MSRA: variants seen among roughly 807,000 people sequenced by gnomAD.
MSRA encodes mitochondrial peptide methionine sulfoxide reductase.
In MSRA, 54 loss-of-function variants were observed where a neutral mutation model predicts 31.3. The ratio of observed to expected loss-of-function variants is 1.73; its 90% CI spans 1.39 to 2.17. The LOEUF is 2.17. MSRA is among the 30% of genes most tolerant of loss of function. The probability of loss-of-function intolerance (pLI) is 0.00; values close to 1 mark genes in which losing one functional copy is unlikely to be tolerated. For missense variants in MSRA, 507 were observed against 300.9 expected (o/e 1.69, Z -5.07); for synonymous variants, 169 against 116.5 (o/e 1.45, Z -2.90).
chr8:10,251,873 G>T (rs1462396050), intron 3 of MSRA, among the ~76,000 whole-genome samples: 1 of 150,952 alleles, frequency 6.6e-6, no homozygotes. Context: ...GGGGGGGGGG[G>T]ACATAGGTCA....
At chr8:10,100,486 C>T (rs1799460499) in intron 1 of MSRA, among the ~76,000 whole-genome samples, 2 of 151,870 alleles carry the variant, frequency 1.3e-5, no homozygotes, top group East Asian at 1.9e-4. Flanking sequence ...GGTCTGTGGC[C>T]AGGGAGGGCA....
intron 2 of MSRA, among the ~76,000 whole-genome samples, chr8:10,217,349 A>C (rs1810083071): frequency 6.6e-6 from 1 of 152,140 alleles, no homozygotes; most frequent in South Asian, 2.1e-4. Context: ...CCCTCTCCCC[A>C]CAAGGGACTA....
chr8:10,251,122 G>A (rs1006197488), intron 3 of MSRA, among the ~76,000 whole-genome samples: 1 of 152,032 alleles, frequency 6.6e-6, no homozygotes, highest in Admixed American at 6.6e-5. Context: ...TTTTCCAAAT[G>A]CGTGTGATTT....
chr8:10,359,704 T>C (rs748816353), intron 5 of MSRA, among the ~76,000 whole-genome samples: 1 of 152,208 alleles, frequency 6.6e-6, no homozygotes, highest in Non-Finnish European at 1.5e-5. Flanking sequence ...AAGAGGAGGA[T>C]GGTCTCAGAT....
rs555185450 is a variant in MSRA, at chr8:10,257,049, G to C, written c.331+11826G>C. 2.6e-5 allele frequency among the ~76,000 whole-genome samples: 4 copies of C among 152,266 alleles called. No individual in the cohort carries two copies. The East Asian group carries it at 5.8e-4, about 22-fold the overall frequency. On this transcript the variant is annotated intron_variant, in intron 3 of 5. Transcript: ENST00000317173. ...GTACCCAGCATTTTAGTTATATCAG[G>C]CAGGAAGATTGCTTCAGATGTTGAT... is the stretch of plus-strand genomic sequence containing the variant.
intron 1 of MSRA, among the ~76,000 whole-genome samples, chr8:10,059,250 GATA>G (rs1802567529): frequency 6.6e-6 from 1 of 152,170 alleles, no homozygotes; most frequent in Non-Finnish European, 1.5e-5. Flanking sequence ...GATATATGAT[GATA>G]ATAGCTCACA....
intron 1 of MSRA, among the ~76,000 whole-genome samples, chr8:10,057,806 G>A (rs1426382839): frequency 6.6e-6 from 1 of 152,120 alleles, no homozygotes; most frequent in Non-Finnish European, 1.5e-5. Flanking sequence ...AGGCCTCCCT[G>A]GCCATGCTTT....
intron 3 of MSRA, among the ~76,000 whole-genome samples, chr8:10,273,393 T>G (rs1799146515): frequency 6.6e-6 from 1 of 152,190 alleles, no homozygotes; most frequent in Non-Finnish European, 1.5e-5. Context: ...CCCCTAGTAG[T>G]TGTGCAACTA....
intron 3 of MSRA, among the ~76,000 whole-genome samples, chr8:10,261,687 C>T (rs1256088649): frequency 6.6e-6 from 1 of 152,168 alleles, no homozygotes; most frequent in Admixed American, 6.5e-5. Context: ...CATTTGTTAT[C>T]ACTGATGGGC....
chr8:10,303,393 G>A (rs1479755312), intron 4 of MSRA, among the ~76,000 whole-genome samples: 1 of 152,134 alleles, frequency 6.6e-6, no homozygotes, highest in Non-Finnish European at 1.5e-5. Context: ...ACTATGATGA[G>A]GGTTTGGGCT....
chr8:10,426,352 TGAA>T (rs1178809268), intron 5 of MSRA, among the ~76,000 whole-genome samples: 5 of 152,126 alleles, frequency 3.3e-5, no homozygotes, highest in African/African-American at 1.2e-4. Context: ...GCTGTTCGCG[TGAA>T]GGTCAGGGAA....
intron 1 of MSRA, among the ~76,000 whole-genome samples, chr8:10,119,305 C>T (rs1455930139): frequency 6.6e-6 from 1 of 152,198 alleles, no homozygotes; most frequent in Non-Finnish European, 1.5e-5. Context: ...CGACAGAAGA[C>T]TTTTGTTGAA....
chr8:10,220,712 C>T (rs1338583632), intron 2 of MSRA, among the ~76,000 whole-genome samples: 1 of 152,154 alleles, frequency 6.6e-6, no homozygotes, highest in African/African-American at 2.4e-5. Context: ...CTTCCAGCAC[C>T]CTTATATGGA....
intron 5 of MSRA, among the ~76,000 whole-genome samples, chr8:10,419,757 G>A (rs1187006652): frequency 6.6e-6 from 1 of 152,222 alleles, no homozygotes; most frequent in Non-Finnish European, 1.5e-5. Context: ...GTGGAGGGCA[G>A]GCGGGCAAGT....
At chr8:10,347,766 C>G (rs1803876509) in intron 5 of MSRA, among the ~76,000 whole-genome samples, 1 of 152,192 alleles carries the variant, frequency 6.6e-6, no homozygotes, top group South Asian at 2.1e-4. Flanking sequence ...TACTCCTTGC[C>G]ACACACTTGA....
At chr8:10,241,821 G>A (rs562319223) in intron 2 of MSRA, among the ~76,000 whole-genome samples, 1 of 152,344 alleles carries the variant, frequency 6.6e-6, no homozygotes, top group Non-Finnish European at 1.5e-5. Flanking sequence ...TCAACTTGCA[G>A]AAAGTTGTCC....
At chr8:10,149,481 G>A (rs1001531890) in intron 1 of MSRA, among the ~76,000 whole-genome samples, 44 of 152,180 alleles carry the variant, frequency 2.9e-4, no homozygotes, top group African/African-American at 1.0e-3. Flanking sequence ...CCCCTCCAGG[G>A]CCTGTGCTGA....
chr8:10,105,995 T>C (rs1392378816), intron 1 of MSRA, among the ~76,000 whole-genome samples: 1 of 152,254 alleles, frequency 6.6e-6, no homozygotes, highest in Non-Finnish European at 1.5e-5. Flanking sequence ...TTAGTAATTA[T>C]ACATCTGTTT....
At chr8:10,233,989 G>A (rs958207922) in intron 2 of MSRA, among the ~76,000 whole-genome samples, 1 of 152,132 alleles carries the variant, frequency 6.6e-6, no homozygotes, top group African/African-American at 2.4e-5. Flanking sequence ...GCTTATGAGT[G>A]CCAATGATCG....
Sources: gnomAD v4.1 joint callset for allele counts (sites outside exome capture counted in the v4.1 genomes callset) on GRCh38, gnomAD v4.1.1 for gene constraint, MANE v1.5 for transcripts, NCBI Gene and HGNC (gene_info 2026-07-23, HGNC 2026-07-21) for gene names.